The following STX12 variants were observed in gnomAD, a reference collection of about 807,000 sequenced individuals.
The protein encoded by STX12 is syntaxin-12.
A neutral mutation model predicts 42.2 loss-of-function variants in STX12; 17 were observed. The ratio of observed to expected loss-of-function variants is 0.40; its 90% CI spans 0.28 to 0.60. STX12 has a LOEUF of 0.60. Ranked by LOEUF, STX12 falls within the 20% of genes least tolerant of loss-of-function variation. The probability of loss-of-function intolerance (pLI) is 0.39; values close to 1 mark genes in which losing one functional copy is unlikely to be tolerated. For missense variants in STX12, 297 were observed against 330.9 expected, an observed-to-expected ratio of 0.90 and a Z score of 0.79; for synonymous variants, 108 against 116.7, an observed-to-expected ratio of 0.93 and a Z score of 0.48.
At chr1:27,819,507 T>A in intron 7 of STX12, 143 bp from the exon 8 acceptor site, 1 of 614,922 alleles carries the variant, frequency 1.6e-6, no homozygotes, top group Non-Finnish European at 2.8e-6. Flanking sequence ...GCTAGTCTCT[T>A]ACCAAGGTAG....
chr1:27,773,614 G>A (rs2088610641), intron 1 of STX12, among the ~76,000 whole-genome samples, 189 bp downstream of exon 1: 1 of 152,192 alleles, frequency 6.6e-6, no homozygotes, highest in Admixed American at 6.5e-5. Context: ...GAGGGTCCCC[G>A]GCCCCAGCTG....
chr1:27,774,424 C>G (rs1484433301), intron 1 of STX12, among the ~76,000 whole-genome samples: 1 of 152,184 alleles, frequency 6.6e-6, no homozygotes, highest in African/African-American at 2.4e-5. Context: ...GTTTTGTGAG[C>G]TTGGCGTACT....
intron 1 of STX12, among the ~76,000 whole-genome samples, chr1:27,777,756 G>A (rs372619483): frequency 9.9e-5 from 15 of 151,930 alleles, no homozygotes; most frequent in African/African-American, 3.4e-4. Context: ...GCGTGATGGT[G>A]CACGCCTGTA....
Position 27,813,651 on chromosome 1 carries a change from A to AT in STX12, c.576+1392dup, listed in dbSNP as rs879820261. ...TGCACATGAGGATCACCTGGAGAAG[A>AT]TTTTTTTTTAATGCCCCAGCTCTCA... On this transcript the variant is annotated intron_variant, in intron 6 of 8. Transcript: ENST00000373943. Among the ~76,000 whole-genome samples the AT allele has an allele frequency of 1.9e-3, 284 of 151,378 alleles. 2 individuals carry two copies. The highest frequency in any genetic ancestry group is 5.9e-3 in the African/African-American group (244 of 41,384).
Position 27,801,834 on chromosome 1 carries a change from G to T in STX12, c.426+19G>T, listed in dbSNP as rs1359526877. The T allele has an allele frequency of 6.4e-7, 1 of 1,568,468 alleles. No homozygotes were observed. The highest frequency in any genetic ancestry group is 2.1e-5 in the Admixed American group (1 of 46,942). On this transcript the variant is annotated intron_variant, in intron 4 of 8. Coordinates refer to ENST00000373943, the MANE Select transcript of STX12 (RefSeq NM_177424.3). The stretch of plus-strand genomic sequence containing the variant: ...TCTTTCTGTAAGTTGATTCCCAAAA[G>T]AAGACCTTTGCAATATCAGAATGTT...
chr1:27,788,563 C>G (rs2088714295), intron 1 of STX12, among the ~76,000 whole-genome samples: 1 of 152,130 alleles, frequency 6.6e-6, no homozygotes, highest in Non-Finnish European at 1.5e-5. Flanking sequence ...ATATGTTTGA[C>G]TGTATTATGG....
chr1:27,793,704 A>G, intron 3 of STX12, 72 bp downstream of exon 3: 1 of 1,291,648 alleles, frequency 7.7e-7, no homozygotes, highest in East Asian at 2.4e-5. Flanking sequence ...TGTAGAACAA[A>G]AAAAAAATAA....
Position 27,817,887 on chromosome 1 carries a change from T to G in STX12, c.613T>G (p.Leu205Val). 1 of 1,614,108 alleles carries G rather than the reference T, an allele frequency of 6.2e-7. No individual in the cohort carries two copies. The highest frequency in any genetic ancestry group is 8.5e-7 in the Non-Finnish European group (1 of 1,180,008). ...ILDVNQIFKD[L>V]AMMIHDQGDL... ...GGATGTCAATCAGATATTTAAAGAT[T>G]TGGCCATGATGATCCATGACCAGGG... The change falls in exon 7 of 9, where the codon TTG (leucine) becomes GTG (valine). Residue 205 changes from leucine to valine, a missense_variant. Physicochemically the swap from Leu to Val is conservative, Grantham distance 32. Transcript: ENST00000373943.
intron 1 of STX12, 22 bp from the exon 2 acceptor site, chr1:27,789,540 C>G: frequency 6.3e-7 from 1 of 1,599,042 alleles, no homozygotes; most frequent in South Asian, 1.1e-5. Flanking sequence ...TTAAATAAAT[C>G]TTTTTCTTCC....
At chr1:27,815,716 G>A (rs78203954) in intron 6 of STX12, among the ~76,000 whole-genome samples, 2,049 of 152,278 alleles carry the variant, frequency 0.013, 109 homozygotes, top group East Asian at 0.11. Flanking sequence ...CACTATAGTA[G>A]ACTCTTAGCA....
chr1:27,820,188 A>G (rs2088974726), intron 8 of STX12: 1 of 152,656 alleles, frequency 6.6e-6, no homozygotes, highest in Admixed American at 6.5e-5. Context: ...GTAAAGTGAA[A>G]TCCTTCTACA....
intron 1 of STX12, among the ~76,000 whole-genome samples, chr1:27,784,252 G>T (rs1347229705): frequency 6.6e-6 from 1 of 151,988 alleles, no homozygotes; most frequent in Non-Finnish European, 1.5e-5. Context: ...ACAGAGTCTT[G>T]CTCTGTTGCT....
At chr1:27,813,591 G>A (rs2088919224) in intron 6 of STX12, among the ~76,000 whole-genome samples, 1 of 152,264 alleles carries the variant, frequency 6.6e-6, no homozygotes, top group East Asian at 1.9e-4. Context: ...GCTCTTCCTT[G>A]GCCTCCATCT....
chr1:27,793,701 C>CAAA, intron 3 of STX12, 69 bp downstream of exon 3: 1 of 1,151,180 alleles, frequency 8.7e-7, no homozygotes, highest in African/African-American at 1.6e-5. Context: ...GTGTGTAGAA[C>CAAA]AAAAAAAAAA....
At chr1:27,813,035 C>A (rs941000920) in intron 6 of STX12, among the ~76,000 whole-genome samples, 1 of 152,148 alleles carries the variant, frequency 6.6e-6, no homozygotes, top group Non-Finnish European at 1.5e-5. Context: ...AAAGTCTAAT[C>A]CCAAGTTGTA....
intron 1 of STX12, among the ~76,000 whole-genome samples, chr1:27,788,191 A>G (rs2088711683): frequency 6.6e-6 from 1 of 152,216 alleles, no homozygotes; most frequent in South Asian, 2.1e-4. Flanking sequence ...AGCTACTTGT[A>G]ATAGAAGACA....
chr1:27,812,040 T>C lies in STX12; in HGVS notation c.471-123T>C, dbSNP rs936118170. 1.4e-5 allele frequency: 11 copies of C among 784,490 alleles called. No homozygotes were observed. In the Admixed American group the frequency reaches 2.2e-4, roughly 16 times the overall value. 48.6% of individuals were successfully genotyped at this position (784,490 alleles called of 1,614,324 possible). On this transcript the variant is annotated intron_variant, in intron 5 of 8. Coordinates refer to ENST00000373943, the MANE Select transcript of STX12 (RefSeq NM_177424.3). ...ATGTGGCCCTCCAAGACTTTATTGA[T>C]AGCAGAGGACTGGAGCCCTGGTAAT...
At chr1:27,786,865 A>T (rs961986472) in intron 1 of STX12, among the ~76,000 whole-genome samples, 6 of 152,222 alleles carry the variant, frequency 3.9e-5, no homozygotes, top group African/African-American at 1.4e-4. Flanking sequence ...TCCAGTTAAT[A>T]GCTTTAGTTG....
intron 5 of STX12, among the ~76,000 whole-genome samples, chr1:27,811,217 G>A (rs1445472252): frequency 6.7e-6 from 1 of 150,234 alleles, no homozygotes; most frequent in African/African-American, 2.5e-5. Flanking sequence ...TACTCTCGAG[G>A]CTGAGGCAGG....
Sources: gnomAD v4.1 joint callset for allele counts (sites outside exome capture counted in the v4.1 genomes callset) on GRCh38, gnomAD v4.1.1 for gene constraint, MANE v1.5 for transcripts, NCBI Gene and HGNC (gene_info 2026-07-23, HGNC 2026-07-21) for gene names.